TMEFF2: variants seen among roughly 807,000 people sequenced by gnomAD.
TMEFF2 encodes tomoregulin-2.
A neutral mutation model predicts 53.8 loss-of-function variants in TMEFF2; 28 were observed. The ratio of observed to expected loss-of-function variants is 0.52; its 90% CI spans 0.39 to 0.71. The LOEUF is 0.71. Ranked by LOEUF, TMEFF2 falls within the 30% of genes least tolerant of loss-of-function variation. TMEFF2 has a pLI of 0.00. For synonymous variants in TMEFF2, 162 were observed against 166.3 expected (o/e 0.97, Z 0.20); for missense variants, 353 against 455.2 (o/e 0.78, Z 2.04).
At chr2:192,094,406 A>G (rs1047641673) in intron 4 of TMEFF2, among the ~76,000 whole-genome samples, 3 of 151,816 alleles carry the variant, frequency 2.0e-5, no homozygotes, top group Non-Finnish European at 4.4e-5. Context: ...AACGCATTTC[A>G]AGTGGTAACT....
intron 5 of TMEFF2, among the ~76,000 whole-genome samples, chr2:192,054,731 A>G (rs1271686812): frequency 6.6e-6 from 1 of 152,154 alleles, no homozygotes; most frequent in African/African-American, 2.4e-5. Flanking sequence ...TATTGTTTCA[A>G]TTGCATCTTT....
At chr2:192,003,804 T>C (rs897030874) in intron 5 of TMEFF2, among the ~76,000 whole-genome samples, 3 of 152,148 alleles carry the variant, frequency 2.0e-5, no homozygotes, top group Admixed American at 1.3e-4. Flanking sequence ...TAGAGAGTTT[T>C]AGCATTAATT....
chr2:191,978,120 T>A (rs998061687), intron 7 of TMEFF2, among the ~76,000 whole-genome samples: 2 of 152,224 alleles, frequency 1.3e-5, no homozygotes, highest in African/African-American at 2.4e-5. Context: ...ACGATATTTT[T>A]AATCCTCATT....
intron 4 of TMEFF2, among the ~76,000 whole-genome samples, chr2:192,146,983 T>C (rs1690267539): frequency 6.6e-6 from 1 of 152,134 alleles, no homozygotes; most frequent in Admixed American, 6.6e-5. Flanking sequence ...ACACAGCTTT[T>C]ATTTTTAACC....
Position 191,956,172 on chromosome 2 carries a change from T to A in TMEFF2, c.869+83A>T, listed in dbSNP as rs7606017. ...TGATTACCCATTCAAGAAGAATGTC[T>A]ACCAATTTTCTATAAACATCTACAA... On this transcript the variant is annotated intron_variant, in intron 8 of 9. Coordinates refer to ENST00000272771, the MANE Select transcript of TMEFF2 (RefSeq NM_016192.4). 6.3e-6 allele frequency: 9 copies of A among 1,437,506 alleles called. No individual in the cohort carries two copies. In the Admixed American group the frequency reaches 2.0e-4, roughly 33 times the overall value. The allele number at this position is 1,437,506 out of a possible 1,614,324, so 89.0% of individuals were successfully genotyped here.
At chr2:191,990,939 T>C (rs950912550) in intron 7 of TMEFF2, among the ~76,000 whole-genome samples, 3 of 152,070 alleles carry the variant, frequency 2.0e-5, no homozygotes, top group African/African-American at 7.2e-5. Context: ...GTGATTGACT[T>C]TGAAGGTTAC....
intron 7 of TMEFF2, among the ~76,000 whole-genome samples, chr2:191,959,444 C>T (rs992128307): frequency 4.6e-5 from 7 of 152,182 alleles, no homozygotes; most frequent in African/African-American, 1.4e-4. Flanking sequence ...TATAGTACAG[C>T]TACTCATATT....
chr2:191,990,433 G>GTGTGTGTGTGTGTA (rs750225319), intron 7 of TMEFF2, among the ~76,000 whole-genome samples: 2 of 151,712 alleles, frequency 1.3e-5, no homozygotes, highest in East Asian at 3.9e-4. Flanking sequence ...GTGTGTGTGT[G>GTGTGTGTGTGTGTA]TGTTGTTTTT....
chr2:192,175,490 C>A (rs961570154), intron 4 of TMEFF2, among the ~76,000 whole-genome samples: 12 of 151,476 alleles, frequency 7.9e-5, no homozygotes, highest in African/African-American at 2.7e-4. Context: ...CCAAATTTAT[C>A]ATAACAACAA....
rs754638297 is a variant in TMEFF2, at chr2:191,953,819, A to G, written c.888T>C (p.Thr296=). The change falls in exon 9 of 10, where the codon ACT becomes ACC. Residue 296 remains threonine (T), a synonymous_variant. Transcript: ENST00000272771. ...EPSCRCDAGY[T]GQHCEKKDYS... ...AGTCCTTTTTTTCACAGTGTTGTCC[A>G]GTATAACCAGCATCACACCTGGAAG... 10 of 1,609,844 alleles carry G rather than the reference A, an allele frequency of 6.2e-6. No homozygotes were observed. In the African/African-American group the frequency reaches 9.4e-5, roughly 15 times the overall value.
chr2:192,047,790 C>T (rs893469410), intron 5 of TMEFF2, among the ~76,000 whole-genome samples: 1 of 151,704 alleles, frequency 6.6e-6, no homozygotes, highest in African/African-American at 2.4e-5. Flanking sequence ...TATTATATGC[C>T]CTGTTTGTAG....
At chr2:192,073,870 G>A (rs531425530) in intron 4 of TMEFF2, among the ~76,000 whole-genome samples, 1 of 152,072 alleles carries the variant, frequency 6.6e-6, no homozygotes, top group Non-Finnish European at 1.5e-5. Context: ...ATGAATTTAA[G>A]TCTGTGAATC....
intron 4 of TMEFF2, among the ~76,000 whole-genome samples, chr2:192,082,788 A>G (rs1020573082): frequency 1.2e-5 from 1 of 80,674 alleles, no homozygotes; most frequent in Non-Finnish European, 2.6e-5. Context: ...CTAAAAATTA[A>G]TTTTCATGCA....
intron 9 of TMEFF2, among the ~76,000 whole-genome samples, chr2:191,953,438 A>G (rs1379168246): frequency 2.6e-5 from 4 of 152,218 alleles, no homozygotes; most frequent in African/African-American, 9.6e-5. Context: ...TACTAGTTCA[A>G]GCAGGTAAAA....
chr2:192,118,429 CTT>C (rs1439339513), intron 4 of TMEFF2, among the ~76,000 whole-genome samples: 1 of 152,122 alleles, frequency 6.6e-6, no homozygotes, highest in Non-Finnish European at 1.5e-5. Context: ...GAGAAAATTG[CTT>C]TGTCTTTAAA....
At chr2:192,178,909 T>C (rs1025210423) in intron 4 of TMEFF2, 3 of 151,298 alleles carry the variant, frequency 2.0e-5, no homozygotes, top group South Asian at 2.1e-4. Context: ...TTGCTTTGTG[T>C]GTATAAAAGT....
intron 4 of TMEFF2, among the ~76,000 whole-genome samples, chr2:192,114,946 A>G (rs961753625): frequency 6.6e-6 from 1 of 152,028 alleles, no homozygotes; most frequent in Non-Finnish European, 1.5e-5. Context: ...ATATCAAATC[A>G]TCACACTATA....
At chr2:192,037,327 AAGAAAGAAAAAC>A (rs1179069596) in intron 5 of TMEFF2, among the ~76,000 whole-genome samples, 1 of 150,624 alleles carries the variant, frequency 6.6e-6, no homozygotes, top group East Asian at 2.0e-4. Flanking sequence ...GAAAGAAAGA[AAGAAAGAAAAAC>A]AGAAAACAGA....
intron 8 of TMEFF2, among the ~76,000 whole-genome samples, chr2:191,954,549 T>G (rs577791661): frequency 6.6e-6 from 1 of 152,310 alleles, no homozygotes; most frequent in Non-Finnish European, 1.5e-5. Flanking sequence ...GTGTTTCTGA[T>G]GACATGGGTA....
Sources: gnomAD v4.1 joint callset for allele counts (sites outside exome capture counted in the v4.1 genomes callset) on GRCh38, gnomAD v4.1.1 for gene constraint, MANE v1.5 for transcripts, NCBI Gene and HGNC (gene_info 2026-07-23, HGNC 2026-07-21) for gene names.